HELB: variants seen among roughly 807,000 people sequenced by gnomAD.
The protein encoded by HELB is DNA helicase B.
Under a neutral mutation model 101.7 loss-of-function variants are expected in HELB, and 96 were observed. The observed-to-expected ratio is 0.94, with a 90% CI of 0.80 to 1.12. The LOEUF (loss-of-function observed/expected upper bound fraction) is 1.12. Ranked by LOEUF, HELB falls within the 50% of genes most tolerant of loss-of-function variation. The pLI is 0.00. For missense variants in HELB, 1,210 were observed against 1,291.9 expected (o/e 0.94, Z 0.97); for synonymous variants, 437 against 459.7 (o/e 0.95, Z 0.63).
At chr12:66,327,679 G>A (rs1235051210) in intron 11 of HELB, among the ~76,000 whole-genome samples, 1 of 152,108 alleles carries the variant, frequency 6.6e-6, no homozygotes, top group African/African-American at 2.4e-5. Context: ...TACTGAGTGA[G>A]ACTCTGTTCT....
chr12:66,318,374 A>AT (rs373650565), intron 6 of HELB, among the ~76,000 whole-genome samples: 1 of 151,634 alleles, frequency 6.6e-6, no homozygotes, highest in Non-Finnish European at 1.5e-5. Context: ...TCCTCTGATA[A>AT]TTTTTTTTTC....
At chr12:66,315,467 C>T in intron 6 of HELB, 84 bp downstream of exon 6, 1 of 999,838 alleles carries the variant, frequency 1.0e-6, no homozygotes, top group Non-Finnish European at 1.4e-6. Context: ...TGATTTAGTA[C>T]AATACATTAA....
chr12:66,335,576 ATTGGT>A (rs1315695805), intron 12 of HELB, among the ~76,000 whole-genome samples: 1 of 152,212 alleles, frequency 6.6e-6, no homozygotes, highest in Non-Finnish European at 1.5e-5. Flanking sequence ...GGAAAACTTT[ATTGGT>A]TTGTTTACTT....
At chr12:66,338,262 A>C, downstream of HELB, 1 of 609,826 alleles carries the variant, frequency 1.6e-6, no homozygotes, top group South Asian at 1.9e-5. Context: ...AGTATTAATG[A>C]TTTCAACACG....
chr12:66,310,503 A>G lies in HELB; in HGVS notation c.1575A>G (p.Gln525=), dbSNP rs1470519331. 4.3e-6 allele frequency: 7 copies of G among 1,614,142 alleles called. No individual in the cohort carries two copies. Among genetic ancestry groups the G allele is most frequent in the South Asian group, 2.2e-5 (2 of 91,088 alleles). ...GGATTACCTTTACTGAGCAAAGTCA[A>G]CTAGAGGCGGACAAGGCTATAGAAG... The part of the protein sequence containing the change: ...EEWITFTEQS[Q]LEADKAIEVL... The change falls in exon 4 of 13, where the codon CAA becomes CAG. Residue 525 remains glutamine, a synonymous_variant. Transcript: ENST00000247815.
intron 12 of HELB, among the ~76,000 whole-genome samples, chr12:66,332,574 C>T (rs762295760): frequency 3.3e-5 from 5 of 152,184 alleles, no homozygotes; most frequent in Non-Finnish European, 5.9e-5. Flanking sequence ...TCTTAGTTAT[C>T]GGAGTAAGTC....
Position 66,310,097 on chromosome 12 carries a change from A to G in HELB, c.1169A>G (p.His390Arg). 1 of 1,614,248 alleles carries G rather than the reference A, an allele frequency of 6.2e-7. No individual in the cohort carries two copies. The highest frequency in any genetic ancestry group is 8.5e-7 in the Non-Finnish European group (1 of 1,180,050). The change falls in exon 4 of 13, where the codon CAC becomes CGC. Residue 390 changes from histidine to arginine, a missense_variant. Physicochemically the swap from His to Arg is conservative, Grantham distance 29. Around this residue, in one of 2 missense-constraint regions of HELB, gnomAD observed 470 missense variants for 563.1 expected, o/e 0.83. Transcript: ENST00000247815. ...GTCGAAAAGGTGCTTGCCTCTATTC[A>G]CACCACAAAACCTGAGAATTCAAGC... The part of the protein sequence containing the change: ...VDVEKVLASI[H>R]TTKPENSSDD...
chr12:66,322,646 A>G (rs1337245715), intron 8 of HELB, 78 bp from the exon 9 acceptor site: 9 of 784,374 alleles, frequency 1.1e-5, no homozygotes, highest in Non-Finnish European at 1.7e-5. Context: ...AGAATCTAGT[A>G]TGTCATAATT....
At chr12:66,328,238 A>G (rs1866613976) in intron 11 of HELB, among the ~76,000 whole-genome samples, 1 of 152,168 alleles carries the variant, frequency 6.6e-6, no homozygotes. Flanking sequence ...ATGTGGCTAG[A>G]GTGACTGAAA....
rs760599128 is a variant in HELB at position 66,310,015 on chromosome 12, A to G, written c.1087A>G (p.Ile363Val). ...PYDLYHAERA[I>V]AFSICDLMKK... ...TGACCTTTACCATGCTGAAAGAGCC[A>G]TCGCCTTTTCAATTTGTGACCTGAT... The change falls in exon 4 of 13, where the codon ATC becomes GTC. Residue 363 changes from isoleucine to valine, a missense_variant. Around this residue, in one of 2 missense-constraint regions of HELB, gnomAD observed 470 missense variants for 563.1 expected, o/e 0.83. Coordinates refer to ENST00000247815, the MANE Select transcript of HELB (RefSeq NM_001370285.1). 4 of 1,614,208 alleles carry G rather than the reference A, an allele frequency of 2.5e-6. No individual in the cohort carries two copies. The South Asian group carries it at 4.4e-5, about 18-fold the overall frequency.
intron 11 of HELB, among the ~76,000 whole-genome samples, chr12:66,326,393 C>T (rs775551105): frequency 5.9e-5 from 9 of 152,188 alleles, no homozygotes; most frequent in Non-Finnish European, 1.0e-4. Context: ...CAGGCACATG[C>T]CACCACGCCT....
chr12:66,303,104 TTTTA>T (rs1478978545), intron 1 of HELB, among the ~76,000 whole-genome samples: 10 of 102,432 alleles, frequency 9.8e-5, no homozygotes, highest in African/African-American at 3.5e-4. Context: ...TTTTTTTTTT[TTTTA>T]AAATTATTCT....
intron 7 of HELB, 97 bp downstream of exon 7, chr12:66,318,889 A>T: frequency 1.1e-6 from 1 of 899,662 alleles, no homozygotes; most frequent in Non-Finnish European, 1.7e-6. Flanking sequence ...CTTTAATGGT[A>T]AAGAGAAATA....
At chr12:66,324,645 GT>G in intron 10 of HELB, 1 of 292,990 alleles carries the variant, frequency 3.4e-6, no homozygotes, top group Non-Finnish European at 6.5e-6. Context: ...ACTGAAAGCT[GT>G]GAGGAAAAGT....
chr12:66,303,481 A>G (rs1021613729), intron 1 of HELB, among the ~76,000 whole-genome samples: 2 of 151,904 alleles, frequency 1.3e-5, no homozygotes, highest in African/African-American at 4.8e-5. Context: ...CAAAACTACA[A>G]AATTAGCCGG....
In HELB at chr12:66,310,453, C is replaced by T; in HGVS notation, c.1525C>T (p.Gln509Ter). 5.6e-6 allele frequency: 9 copies of T among 1,614,136 alleles called. No homozygotes were observed. Among genetic ancestry groups the T allele is most frequent in the Non-Finnish European group, 7.6e-6 (9 of 1,180,026 alleles). Residue 509 changes from glutamine (Q) to a stop codon, truncating the protein, a stop_gained, in exon 4 of 13, where the codon CAA becomes TAA. Coordinates refer to ENST00000247815, the MANE Select transcript of HELB (RefSeq NM_001370285.1). LOFTEE classifies it high-confidence loss of function. ...EVKKACEDFEQDQNASEEWIT... is the reference protein window; with the variant it reads ...EVKKACEDFE ...AAAAAAAGCCTGTGAAGATTTTGAACAAGACCAGAATGCTTCAGAAGAATG... is the reference window on the plus strand; with the variant it reads ...AAAAAAAGCCTGTGAAGATTTTGAATAAGACCAGAATGCTTCAGAAGAATG...
At chr12:66,318,486 C>G (rs1193437625) in intron 6 of HELB, 152 bp from the exon 7 acceptor site, 3 of 605,632 alleles carry the variant, frequency 5.0e-6, no homozygotes, top group Non-Finnish European at 7.9e-6. Flanking sequence ...TTATAAAACT[C>G]ATTTACTATT....
intron 12 of HELB, among the ~76,000 whole-genome samples, chr12:66,335,209 T>C (rs1188465168): frequency 6.6e-6 from 1 of 152,164 alleles, no homozygotes; most frequent in African/African-American, 2.4e-5. Context: ...GTTTAGAGCC[T>C]CAGCAGGGAG....
At chr12:66,305,910 T>A (rs936960547) in intron 2 of HELB, among the ~76,000 whole-genome samples, 2 of 152,204 alleles carry the variant, frequency 1.3e-5, no homozygotes, top group African/African-American at 4.8e-5. Context: ...AATATTTCAT[T>A]TCCTAATTGT....
Sources: gnomAD v4.1 joint callset for allele counts (sites outside exome capture counted in the v4.1 genomes callset) on GRCh38, gnomAD v4.1.1 for gene constraint, gnomAD v4.1.1 regional missense constraint, MANE v1.5 for transcripts, NCBI Gene and HGNC (gene_info 2026-07-23, HGNC 2026-07-21) for gene names.